GRHL3: variants seen among roughly 807,000 people sequenced by gnomAD.
GRHL3 encodes grainyhead-like protein 3 homolog.
GRHL3 carries 20 observed loss-of-function variants against 70.3 expected under a neutral mutation model. The observed-to-expected ratio is 0.28, with a 90% CI of 0.20 to 0.41. GRHL3 has a LOEUF of 0.41. Among genes scored for constraint, GRHL3 ranks in the 10% least tolerant of loss-of-function variants. The pLI is 1.00. For missense variants in GRHL3, 637 were observed against 762.3 expected (o/e 0.84, Z 1.94); for synonymous variants, 299 against 299.9 (o/e 1.00, Z 0.03).
intron 8 of GRHL3, among the ~76,000 whole-genome samples, chr1:24,341,893 A>G (rs1640056338): frequency 6.6e-6 from 1 of 152,216 alleles, no homozygotes; most frequent in African/African-American, 2.4e-5. Flanking sequence ...CCCCTGCTGC[A>G]CCACACACTG....
At chr1:24,323,462 CT>C (rs1439635144) in intron 1 of GRHL3, among the ~76,000 whole-genome samples, 16 of 152,218 alleles carry the variant, frequency 1.1e-4, no homozygotes, top group African/African-American at 3.9e-4. Context: ...CCCAAATCCA[CT>C]ACTGACCTGC....
intron 8 of GRHL3, among the ~76,000 whole-genome samples, 186 bp from the exon 9 acceptor site, chr1:24,341,929 C>A (rs918897021): frequency 2.0e-5 from 3 of 152,214 alleles, no homozygotes; most frequent in Non-Finnish European, 4.4e-5. Context: ...GAAAGTTGCC[C>A]CACCTCTCTG....
chr1:24,348,099 C>T (rs1200206678), intron 14 of GRHL3, among the ~76,000 whole-genome samples: 1 of 152,180 alleles, frequency 6.6e-6, no homozygotes, highest in Non-Finnish European at 1.5e-5. Context: ...GCAAACACAG[C>T]GTCCACCAGG....
At position 24,342,880 on chromosome 1, in the gene GRHL3, T is replaced by G. The variant is rs746489828; in HGVS notation, c.1286-12T>G. ...GGGACCTCGGGGCACATTGGCTTCC[T>G]TCTCCCATCAGGCGTCAAGGGCTGC... On this transcript the variant is annotated splice_polypyrimidine_tract_variant and intron_variant, in intron 10 of 15. Transcript: ENST00000361548. This position sits in a 1 kb window ranked among gnomAD's most constrained non-coding sequence, Gnocchi z 4.8. 6 of 1,614,196 alleles carry G rather than the reference T, an allele frequency of 3.7e-6. No individual in the cohort carries two copies. The highest frequency in any genetic ancestry group is 5.1e-6 in the Non-Finnish European group (6 of 1,180,020).
intron 7 of GRHL3, among the ~76,000 whole-genome samples, chr1:24,338,389 C>A (rs1458062987): frequency 1.3e-4 from 20 of 152,202 alleles, no homozygotes; most frequent in Non-Finnish European, 1.5e-5. Context: ...GATGAAGACA[C>A]AAATGCACAA....
intron 15 of GRHL3, among the ~76,000 whole-genome samples, chr1:24,362,382 G>T (rs186716956): frequency 6.6e-6 from 1 of 152,196 alleles, no homozygotes; most frequent in Non-Finnish European, 1.5e-5. Context: ...GCATGATGGC[G>T]GAGGGGACTG....
intron 6 of GRHL3, 91 bp from the exon 7 acceptor site, chr1:24,337,901 C>T: frequency 5.8e-6 from 9 of 1,561,240 alleles, no homozygotes; most frequent in Non-Finnish European, 7.9e-6. Flanking sequence ...CCCATTGCCA[C>T]AGGGTTGGGG....
intron 11 of GRHL3, among the ~76,000 whole-genome samples, chr1:24,344,617 G>A (rs992778393): frequency 1.3e-5 from 2 of 151,944 alleles, no homozygotes; most frequent in Non-Finnish European, 2.9e-5. Flanking sequence ...TGGGGCCCAG[G>A]TGGGGCTCAG....
At chr1:24,362,292 G>A (rs1477424839) in intron 15 of GRHL3, among the ~76,000 whole-genome samples, 1 of 152,230 alleles carries the variant, frequency 6.6e-6, no homozygotes, top group Admixed American at 6.5e-5. Flanking sequence ...GAGAGACAAA[G>A]TAACCGATCC....
intron 15 of GRHL3, chr1:24,361,120 C>T (rs1641084634): frequency 7.7e-7 from 1 of 1,304,874 alleles, no homozygotes. Context: ...CAGCCAAGAC[C>T]TGCACAGCAG....
intron 12 of GRHL3, 110 bp downstream of exon 12, chr1:24,345,041 CCCCCTCCACACCTGTG>C (rs1640204747): frequency 2.0e-5 from 9 of 445,022 alleles, no homozygotes; most frequent in Admixed American, 7.9e-5. Flanking sequence ...TACACCTGTG[CCCCCTCCACACCTGTG>C]CCCCTCCACA....
chr1:24,357,296 T>C (rs953060316), downstream of GRHL3: 1 of 152,246 alleles, frequency 6.6e-6, no homozygotes, highest in African/African-American at 2.4e-5. Context: ...ACCACAGCCA[T>C]GCTGTAGGTG....
chr1:24,321,258 G>T lies in GRHL3; in HGVS notation c.17+1690G>T, dbSNP rs1639172970. On this transcript the variant is annotated intron_variant, in intron 1 of 15. Transcript: ENST00000361548. The surrounding 1 kb of genome is among the most constrained non-coding windows in gnomAD (Gnocchi z 4.0). Reference sequence around the variant, plus strand: ...ATGGTTTGGATTTGAAGTCAGATCCGCTGACAGTTGAGGCTTCTCAGTTTG... The same window carrying T: ...ATGGTTTGGATTTGAAGTCAGATCCTCTGACAGTTGAGGCTTCTCAGTTTG... Among the ~76,000 whole-genome samples, 1 of 152,198 alleles carries T rather than the reference G, an allele frequency of 6.6e-6. No individual in the cohort carries two copies. Among genetic ancestry groups the T allele is most frequent in the Non-Finnish European group, 1.5e-5 (1 of 68,044 alleles).
At chr1:24,343,202 T>G (rs762784614) in intron 11 of GRHL3, 177 bp downstream of exon 11, 1 of 617,488 alleles carries the variant, frequency 1.6e-6, no homozygotes, top group Non-Finnish European at 2.8e-6. Context: ...AGTGACCTAT[T>G]GTATTGAAGA....
chr1:24,319,831 C>G (rs769453578), intron 1 of GRHL3: 20 of 1,076,766 alleles, frequency 1.9e-5, no homozygotes, highest in Non-Finnish European at 2.5e-5. Flanking sequence ...AAGACTGAAA[C>G]TGTGAAGGTT....
At position 24,337,974 on chromosome 1, in the gene GRHL3, G is replaced by A; in HGVS notation, c.841-18G>A. On this transcript the variant is annotated intron_variant, in intron 6 of 15. Coordinates refer to ENST00000361548, the MANE Select transcript of GRHL3 (RefSeq NM_198173.3). Reference sequence around the variant, plus strand: ...CTAGGAAGAGGCCGGGAGTGACTGTGACCAACTGTGCTTGCAGAGTGTGGT... The same window carrying A: ...CTAGGAAGAGGCCGGGAGTGACTGTAACCAACTGTGCTTGCAGAGTGTGGT... The A allele has an allele frequency of 1.3e-6, 2 of 1,580,684 alleles. No homozygotes were observed. The highest frequency in any genetic ancestry group is 1.7e-6 in the Non-Finnish European group (2 of 1,159,164).
chr1:24,346,257 C>T (rs1042236166), intron 12 of GRHL3, among the ~76,000 whole-genome samples: 1 of 152,196 alleles, frequency 6.6e-6, no homozygotes, highest in Non-Finnish European at 1.5e-5. Flanking sequence ...CCTGTGGCCT[C>T]ACATCCCTCT....
downstream of GRHL3, among the ~76,000 whole-genome samples, chr1:24,359,960 G>A (rs1465538518): frequency 1.3e-5 from 2 of 152,106 alleles, no homozygotes; most frequent in African/African-American, 4.8e-5. The surrounding 1 kb of genome is among the most constrained non-coding windows in gnomAD (Gnocchi z 5.3). Context: ...GGCGCTAGAA[G>A]GTTCAAAAGA....
At chr1:24,338,158 A>C in intron 7 of GRHL3, 55 bp downstream of exon 7, 1 of 1,204,158 alleles carries the variant, frequency 8.3e-7, no homozygotes, top group East Asian at 2.4e-5. Context: ...CCACCCCCGC[A>C]TCAATCAGGC....
Sources: allele counts gnomAD v4.1 joint callset (sites outside exome capture counted in the v4.1 genomes callset), GRCh38; gene constraint gnomAD v4.1.1; non-coding constraint Gnocchi (gnomAD v3.1); transcripts MANE v1.5; gene names NCBI Gene and HGNC (gene_info 2026-07-23, HGNC 2026-07-21).